NKAIN3: variants seen among roughly 807,000 people sequenced by gnomAD.
The protein encoded by NKAIN3 is sodium/potassium transporting ATPase interacting 3, also known as sodium/potassium-transporting ATPase subunit beta-1-interacting protein 3.
A neutral mutation model predicts 30.2 loss-of-function variants in NKAIN3; 25 were observed. That is an observed-to-expected ratio of 0.83 (90% CI 0.60 to 1.16). NKAIN3 has a LOEUF of 1.16. Among genes scored for constraint, NKAIN3 ranks in the 50% most tolerant of loss-of-function variants. The pLI is 0.00. For synonymous variants in NKAIN3, 91 were observed against 89.6 expected (o/e 1.02, Z -0.09); for missense variants, 225 against 254.1 (o/e 0.89, Z 0.78).
intron 4 of NKAIN3, among the ~76,000 whole-genome samples, chr8:62,878,293 A>G (rs936350034): frequency 2.0e-5 from 3 of 152,232 alleles, no homozygotes; most frequent in South Asian, 4.1e-4. Flanking sequence ...ACCATACTCC[A>G]CTGAATCAAA....
intron 1 of NKAIN3, among the ~76,000 whole-genome samples, chr8:62,394,921 G>T (rs76380040): frequency 6.8e-6 from 1 of 147,636 alleles, no homozygotes. Flanking sequence ...GGACAGAGGC[G>T]CTCATCACTT....
At chr8:62,433,239 G>C (rs924059879) in intron 1 of NKAIN3, among the ~76,000 whole-genome samples, 12 of 151,928 alleles carry the variant, frequency 7.9e-5, no homozygotes, top group African/African-American at 2.9e-4. Flanking sequence ...GCCATCTCTG[G>C]GCAGAAGCAT....
At chr8:62,775,313 T>G (rs115443521) in intron 4 of NKAIN3, among the ~76,000 whole-genome samples, 1,551 of 149,230 alleles carry the variant, frequency 0.01, 26 homozygotes, top group African/African-American at 0.035. Flanking sequence ...TCATTTACCT[T>G]GCTAAAAATG....
chr8:62,568,234 T>C (rs1809817317), intron 1 of NKAIN3, among the ~76,000 whole-genome samples: 1 of 152,190 alleles, frequency 6.6e-6, no homozygotes, highest in Non-Finnish European at 1.5e-5. Flanking sequence ...GACTGCATGA[T>C]TTCAGAGTGG....
intron 4 of NKAIN3, among the ~76,000 whole-genome samples, chr8:62,910,257 A>G (rs1821892070): frequency 6.6e-6 from 1 of 152,178 alleles, no homozygotes; most frequent in South Asian, 2.1e-4. Flanking sequence ...AGAAAGAAAT[A>G]TAAGTTACAT....
At chr8:62,411,301 T>C (rs1804229452) in intron 1 of NKAIN3, among the ~76,000 whole-genome samples, 1 of 152,048 alleles carries the variant, frequency 6.6e-6, no homozygotes, top group African/African-American at 2.4e-5. Context: ...AGCAAAAACA[T>C]GAGATCCTTT....
intron 1 of NKAIN3, among the ~76,000 whole-genome samples, chr8:62,332,437 G>A (rs1037556595): frequency 6.6e-6 from 1 of 151,986 alleles, no homozygotes; most frequent in Non-Finnish European, 1.5e-5. Flanking sequence ...TTGTAATCTG[G>A]TGTTACTTTT....
chr8:62,674,879 G>A (rs941827846), intron 3 of NKAIN3, among the ~76,000 whole-genome samples: 5 of 152,134 alleles, frequency 3.3e-5, no homozygotes, highest in Non-Finnish European at 7.4e-5. Context: ...TCACAAAACC[G>A]CCACGTAAGG....
At chr8:62,638,501 A>G (rs1230648106) in intron 3 of NKAIN3, among the ~76,000 whole-genome samples, 6 of 152,164 alleles carry the variant, frequency 3.9e-5, no homozygotes, top group Non-Finnish European at 8.8e-5. Flanking sequence ...CTTCTGTATT[A>G]TCTTGGCAAC....
intron 3 of NKAIN3, among the ~76,000 whole-genome samples, chr8:62,638,482 A>G (rs1812203847): frequency 6.6e-6 from 1 of 152,108 alleles, no homozygotes; most frequent in Non-Finnish European, 1.5e-5. Context: ...TACACCCACC[A>G]TTCAAAATCT....
At position 62,870,232 on chromosome 8, in the gene NKAIN3, ATAGATATCTATAGATATC is replaced by A. The variant is rs1424391738; in HGVS notation, c.472-48218_472-48201del. ...TGTATATATATATCTATATCTATAT[ATAGATATCTATAGATATC>A]TATATATATATCTATATATAGATAT... On this transcript the variant is annotated intron_variant, in intron 4 of 6. Coordinates refer to ENST00000623646, the MANE Select transcript of NKAIN3 (RefSeq NM_001304533.3). Among the ~76,000 whole-genome samples the A allele has an allele frequency of 1.0e-3, 146 of 141,402 alleles. 10 individuals are homozygous for A. The highest frequency in any genetic ancestry group is 3.6e-3 in the African/African-American group (133 of 36,548). The allele number at this position is 141,402 out of a possible 152,430, so 92.8% of individuals were successfully genotyped here.
chr8:62,447,353 T>C (rs915620869), intron 1 of NKAIN3, among the ~76,000 whole-genome samples: 2 of 152,068 alleles, frequency 1.3e-5, no homozygotes, highest in Non-Finnish European at 2.9e-5. Flanking sequence ...GTTTTAAACC[T>C]CTGGGATTCC....
At chr8:62,700,074 A>G (rs1814284337) in intron 3 of NKAIN3, among the ~76,000 whole-genome samples, 1 of 152,190 alleles carries the variant, frequency 6.6e-6, no homozygotes, top group South Asian at 2.1e-4. Context: ...GCAGTGAACT[A>G]TGATTGCACC....
At chr8:62,342,754 T>G (rs1407418521) in intron 1 of NKAIN3, among the ~76,000 whole-genome samples, 1 of 152,082 alleles carries the variant, frequency 6.6e-6, no homozygotes, top group Non-Finnish European at 1.5e-5. Flanking sequence ...TAATGTTCTT[T>G]GAAAAGAATG....
At chr8:62,883,370 G>A (rs542384359) in intron 4 of NKAIN3, among the ~76,000 whole-genome samples, 1 of 149,962 alleles carries the variant, frequency 6.7e-6, no homozygotes, top group African/African-American at 2.5e-5. Context: ...TTCATTGCTA[G>A]TATATAGGAA....
At chr8:62,839,058 A>G (rs1039626669) in intron 4 of NKAIN3, among the ~76,000 whole-genome samples, 5 of 152,026 alleles carry the variant, frequency 3.3e-5, no homozygotes, top group Non-Finnish European at 7.4e-5. Flanking sequence ...ACACACACCC[A>G]ATCCTATCTC....
chr8:62,277,801 T>A (rs1458185629), intron 1 of NKAIN3, among the ~76,000 whole-genome samples: 1 of 152,214 alleles, frequency 6.6e-6, no homozygotes, highest in African/African-American at 2.4e-5. Context: ...ATGAAGTCGG[T>A]GGTTTTGAAT....
chr8:62,408,623 G>A (rs1804148073), intron 1 of NKAIN3, among the ~76,000 whole-genome samples: 1 of 152,154 alleles, frequency 6.6e-6, no homozygotes, highest in Non-Finnish European at 1.5e-5. Flanking sequence ...AAGTAGAGGT[G>A]ATTCGTGTCT....
chr8:62,665,389 T>C (rs1347301365), intron 3 of NKAIN3, among the ~76,000 whole-genome samples: 1 of 152,114 alleles, frequency 6.6e-6, no homozygotes, highest in African/African-American at 2.4e-5. Flanking sequence ...GAGCATACAT[T>C]TCAGAGCCCC....
Sources: gnomAD v4.1 joint callset for allele counts (sites outside exome capture counted in the v4.1 genomes callset) on GRCh38, gnomAD v4.1.1 for gene constraint, MANE v1.5 for transcripts, NCBI Gene and HGNC (gene_info 2026-07-23, HGNC 2026-07-21) for gene names.